The following ENOX1 variants were observed in gnomAD, a reference collection of about 807,000 sequenced individuals.
The protein encoded by ENOX1 is candidate growth-related and time keeping constitutive hydroquinone (NADH) oxidase.
Under a neutral mutation model 82.5 loss-of-function variants are expected in ENOX1, and 42 were observed. That is an observed-to-expected ratio of 0.51 (90% CI 0.40 to 0.66). The LOEUF (loss-of-function observed/expected upper bound fraction) is 0.66, where lower values mean the gene tolerates loss of function less well. Ranked by LOEUF, ENOX1 falls within the 30% of genes least tolerant of loss-of-function variation. The pLI, the probability that ENOX1 is intolerant of heterozygous loss-of-function variation, is 0.00. For synonymous variants in ENOX1, 271 were observed against 282.2 expected, an observed-to-expected ratio of 0.96 and a Z score of 0.40; for missense variants, 608 against 811.6, an observed-to-expected ratio of 0.75 and a Z score of 3.05.
intron 12 of ENOX1, among the ~76,000 whole-genome samples, chr13:43,294,925 G>A (rs986571200): frequency 1.3e-5 from 2 of 152,140 alleles, no homozygotes; most frequent in South Asian, 2.1e-4. Context: ...AAAAATAAAA[G>A]CTATAAGGGT....
chr13:43,641,658 G>A lies in ENOX1; in HGVS notation c.-219+25821C>T, dbSNP rs181732298. ...TGACACCATTCTCCTTCAGCCTCCC[G>A]AGTAGCTGGGACTACAGGCACCCGC... On this transcript the variant is annotated intron_variant, in intron 2 of 16. Transcript: ENST00000690772. Among the ~76,000 whole-genome samples, 72 of 137,426 alleles carry A rather than the reference G, an allele frequency of 5.2e-4. No homozygotes were observed. The East Asian group carries it at 6.8e-3, about 13-fold the overall frequency. The allele number at this position is 137,426 out of a possible 152,430, so 90.2% of individuals were successfully genotyped here.
At chr13:43,217,522 C>T (rs143990703) in intron 16 of ENOX1, among the ~76,000 whole-genome samples, 33 of 151,962 alleles carry the variant, frequency 2.2e-4, no homozygotes, top group Non-Finnish European at 8.8e-5. Context: ...TACCATTTAC[C>T]GAGTCTTCAC....
intron 3 of ENOX1, among the ~76,000 whole-genome samples, chr13:43,441,349 T>C (rs1019002400): frequency 6.6e-6 from 1 of 152,230 alleles, no homozygotes; most frequent in African/African-American, 2.4e-5. Context: ...TAAATATACA[T>C]GTCATTTCTT....
chr13:43,481,434 T>C (rs975806819), intron 3 of ENOX1, among the ~76,000 whole-genome samples: 2 of 152,134 alleles, frequency 1.3e-5, no homozygotes, highest in Non-Finnish European at 2.9e-5. Flanking sequence ...CTTCAATAAA[T>C]TGTGCTGGGA....
intron 1 of ENOX1, among the ~76,000 whole-genome samples, chr13:43,742,809 G>A (rs986606152): frequency 6.6e-6 from 1 of 152,160 alleles, no homozygotes; most frequent in African/African-American, 2.4e-5. Flanking sequence ...GTAGGTGTGA[G>A]ATAAAGAAAG....
intron 5 of ENOX1, among the ~76,000 whole-genome samples, chr13:43,364,829 G>A (rs946644150): frequency 1.3e-5 from 2 of 152,160 alleles, no homozygotes; most frequent in African/African-American, 2.4e-5. Flanking sequence ...CAAAAGAGTC[G>A]GGACACATGA....
rs535864615 is a variant in ENOX1 at position 43,759,917 on chromosome 13, T to C, written c.-285+26735A>G. The stretch of plus-strand genomic sequence containing the variant: ...AAGACACCATGTTAGATGCTGGAGC[T>C]ACAACTGTAAGCAAGAGTGGCATAG... On this transcript the variant is annotated intron_variant, in intron 1 of 16. Transcript: ENST00000690772. Among the ~76,000 whole-genome samples, 12 of 152,312 alleles carry C rather than the reference T, an allele frequency of 7.9e-5. No individual in the cohort carries two copies. In the East Asian group the frequency reaches 2.1e-3, roughly 27 times the overall value.
At chr13:43,637,447 C>A (rs1370129484) in intron 2 of ENOX1, among the ~76,000 whole-genome samples, 1 of 152,106 alleles carries the variant, frequency 6.6e-6, no homozygotes, top group Non-Finnish European at 1.5e-5. Context: ...ATTAAGGATA[C>A]TCAAAAACAC....
intron 3 of ENOX1, among the ~76,000 whole-genome samples, chr13:43,415,184 C>G (rs928718290): frequency 6.9e-6 from 1 of 145,582 alleles, no homozygotes; most frequent in African/African-American, 2.5e-5. Flanking sequence ...CCCAATGAAA[C>G]TCTTGTGACA....
Position 43,416,605 on chromosome 13 carries a change from C to T in ENOX1, c.-74-3617G>A, listed in dbSNP as rs1198583718. ...GCCGGGCAGAGGCGCTCCTCACTTC[C>T]TAGACGGGGTGGCCAGGCAGAGACG... On this transcript the variant is annotated intron_variant, in intron 3 of 16. Coordinates refer to ENST00000690772, the MANE Select transcript of ENOX1 (RefSeq NM_001347969.2). 2.7e-5 allele frequency among the ~76,000 whole-genome samples: 4 copies of T among 150,382 alleles called. No individual in the cohort carries two copies. In the East Asian group the frequency reaches 6.0e-4, roughly 22 times the overall value.
chr13:43,299,121 A>T (rs1320293732), intron 11 of ENOX1, among the ~76,000 whole-genome samples: 1 of 152,176 alleles, frequency 6.6e-6, no homozygotes, highest in African/African-American at 2.4e-5. Context: ...CCAACAGATT[A>T]AAACTCTTTT....
At chr13:43,533,939 AGTACAGCCAT>A (rs2078339871) in intron 2 of ENOX1, among the ~76,000 whole-genome samples, 1 of 152,172 alleles carries the variant, frequency 6.6e-6, no homozygotes, top group Non-Finnish European at 1.5e-5. Context: ...ACTAAATGAC[AGTACAGCCAT>A]GTAAGGTTCT....
chr13:43,728,097 C>T (rs2089101320), intron 1 of ENOX1, among the ~76,000 whole-genome samples: 1 of 152,148 alleles, frequency 6.6e-6, no homozygotes, highest in Admixed American at 6.5e-5. Flanking sequence ...TTCTCCTTTG[C>T]TCTTTTCTTT....
chr13:43,653,613 A>G (rs2084295432), intron 2 of ENOX1, among the ~76,000 whole-genome samples: 1 of 152,184 alleles, frequency 6.6e-6, no homozygotes, highest in Non-Finnish European at 1.5e-5. Flanking sequence ...TATGTGCAAA[A>G]GACAGTAAAT....
intron 2 of ENOX1, among the ~76,000 whole-genome samples, chr13:43,642,812 T>A (rs1341155678): frequency 6.6e-6 from 1 of 152,226 alleles, no homozygotes; most frequent in Non-Finnish European, 1.5e-5. Flanking sequence ...GAATATCAAT[T>A]TTCCTGCCTA....
At chr13:43,374,268 C>T (rs1384235184) in intron 5 of ENOX1, among the ~76,000 whole-genome samples, 1 of 140,162 alleles carries the variant, frequency 7.1e-6, no homozygotes, top group Admixed American at 7.4e-5. Context: ...TTTTTGGAAA[C>T]AGGGTCTCAT....
rs1210984576 is a variant in ENOX1 at position 43,640,917 on chromosome 13, CAT to C, written c.-219+26560_-219+26561del. Among the ~76,000 whole-genome samples, 49 of 8,646 alleles carry C rather than the reference CAT, an allele frequency of 5.7e-3. 1 individual carries two copies. The highest frequency in any genetic ancestry group is 4.3e-3 in the Non-Finnish European group (19 of 4,422). The allele number at this position is 8,646 out of a possible 152,430, so 5.7% of individuals were successfully genotyped here. On this transcript the variant is annotated intron_variant, in intron 2 of 16. Coordinates refer to ENST00000690772, the MANE Select transcript of ENOX1 (RefSeq NM_001347969.2). Reference sequence around the variant, plus strand: ...ACACGTACACACACACGCACGCACACATACACACACACACACACACGTAACCT... The same window carrying C: ...ACACGTACACACACACGCACGCACACACACACACACACACACACGTAACCT...
chr13:43,774,682 G>A (rs1196918199), intron 1 of ENOX1, among the ~76,000 whole-genome samples: 1 of 152,102 alleles, frequency 6.6e-6, no homozygotes, highest in Non-Finnish European at 1.5e-5. Flanking sequence ...GAGAGCAGAG[G>A]CAAGGGATGG....
intron 2 of ENOX1, among the ~76,000 whole-genome samples, chr13:43,505,454 C>T (rs2077120246): frequency 6.6e-6 from 1 of 151,922 alleles, no homozygotes; most frequent in Admixed American, 6.6e-5. Context: ...AGTTTGCAGT[C>T]AAATTTTCTT....
Sources: gnomAD v4.1 joint callset for allele counts (sites outside exome capture counted in the v4.1 genomes callset) on GRCh38, gnomAD v4.1.1 for gene constraint, MANE v1.5 for transcripts, NCBI Gene and HGNC (gene_info 2026-07-23, HGNC 2026-07-21) for gene names.